Variants in GNG11 observed in about 807,000 individuals in gnomAD.
GNG11 encodes guanine nucleotide-binding protein G(I)/G(S)/G(O) subunit gamma-11.
Under a neutral mutation model 7.4 loss-of-function variants are expected in GNG11, and 6 were observed. That is an observed-to-expected ratio of 0.81 (90% CI 0.44 to 1.60). The LOEUF is 1.60. Ranked by LOEUF, GNG11 falls within the 40% of genes most tolerant of loss-of-function variation. GNG11 has a pLI of 0.01. For synonymous variants in GNG11, 31 were observed against 25.9 expected (o/e 1.20, Z -0.60); for missense variants, 65 against 83.0 (o/e 0.78, Z 0.84).
At chr7:93,923,735 G>A (rs1038698993) in intron 1 of GNG11, among the ~76,000 whole-genome samples, 1 of 152,110 alleles carries the variant, frequency 6.6e-6, no homozygotes, top group African/African-American at 2.4e-5. Flanking sequence ...GGATGCAACC[G>A]ACTATGTAAA....
rs1296279872 is a variant in GNG11, at chr7:93,926,881, T to C, written c.*665T>C. 6.6e-6 allele frequency: 1 copy of C among 152,360 alleles called. No homozygotes were observed. The highest frequency in any genetic ancestry group is 2.4e-5 in the African/African-American group (1 of 41,472). The allele number at this position is 152,360 out of a possible 1,614,324, so 9.4% of individuals were successfully genotyped here. A position where few individuals can be genotyped will look rare whatever the true frequency, so the allele number is the denominator to read the frequency against. ...GTAGTAGTAGCCTTGAAGAAAATAC[T>C]GAGTTGGGGTTCAGGAAGAGTGCCC... On this transcript the variant is annotated 3_prime_UTR_variant, in exon 2 of 2. Coordinates refer to ENST00000248564, the MANE Select transcript of GNG11 (RefSeq NM_004126.4).
chr7:93,922,221 G>T lies in GNG11; in HGVS notation c.84G>T (p.Leu28Phe), dbSNP rs1794623318. The change falls in exon 1 of 2, where the codon TTG becomes TTT. Residue 28 changes from leucine (L) to phenylalanine (F), a missense_variant. Physicochemically the swap from Leu to Phe is conservative, Grantham distance 22. Transcript: ENST00000248564. ...AGCAGCTTCGCAAAGAAGTGAAGTTGCAGAGACAACAAGTAAGTTGGCTGT... is the reference window on the plus strand; with the variant it reads ...AGCAGCTTCGCAAAGAAGTGAAGTTTCAGAGACAACAAGTAAGTTGGCTGT... ...EVEQLRKEVK[L>F]QRQQVSKCSE... The T allele has an allele frequency of 6.3e-7, 1 of 1,580,480 alleles. No individual in the cohort carries two copies. Among genetic ancestry groups the T allele is most frequent in the African/African-American group, 1.3e-5 (1 of 74,424 alleles).
Position 93,926,263 on chromosome 7 carries a change from T to C in GNG11, c.*47T>C. ...CCTAAGTGGAAGAACTAGTTTGTTTTAGTTTTCCCAGATAAAACCAACATG... is the reference window on the plus strand; with the variant it reads ...CCTAAGTGGAAGAACTAGTTTGTTTCAGTTTTCCCAGATAAAACCAACATG... On this transcript the variant is annotated 3_prime_UTR_variant, in exon 2 of 2. Coordinates refer to ENST00000248564, the MANE Select transcript of GNG11 (RefSeq NM_004126.4). 6.8e-7 allele frequency: 1 copy of C among 1,469,462 alleles called. No individual in the cohort carries two copies. Among genetic ancestry groups the C allele is most frequent in the Non-Finnish European group, 9.2e-7 (1 of 1,090,100 alleles). The allele number at this position is 1,469,462 out of a possible 1,614,324, so 91.0% of individuals were successfully genotyped here. A position where few individuals can be genotyped will look rare whatever the true frequency, so the allele number is the denominator to read the frequency against.
rs1413121763 is a variant in GNG11, at chr7:93,924,915, A to G, written c.97-1176A>G. On this transcript the variant is annotated intron_variant, in intron 1 of 1. Transcript: ENST00000248564. ...CGCGGTGTCCCACGCCTGTAATCCC[A>G]GCACTTTGGGAGGCCAAGGCGGGCG... Among the ~76,000 whole-genome samples the G allele has an allele frequency of 1.7e-4, 26 of 152,362 alleles. No individual in the cohort carries two copies. The East Asian group carries it at 4.8e-3, about 28-fold the overall frequency.
At position 93,922,099 on chromosome 7, in the gene GNG11, C is replaced by T. The variant is rs746538071; in HGVS notation, c.-39C>T. The T allele has an allele frequency of 1.5e-6, 2 of 1,334,024 alleles. No homozygotes were observed. Among genetic ancestry groups the T allele is most frequent in the African/African-American group, 1.5e-5 (1 of 67,688 alleles). The allele number at this position is 1,334,024 out of a possible 1,614,324, so 82.6% of individuals were successfully genotyped here. A position where few individuals can be genotyped will look rare whatever the true frequency, so the allele number is the denominator to read the frequency against. ...AGCTTCGCCGCTCTTCCAGCGGCTCCGCTGCCAGAGCTAGCCCGAGCCCGG... is the reference window on the plus strand; with the variant it reads ...AGCTTCGCCGCTCTTCCAGCGGCTCTGCTGCCAGAGCTAGCCCGAGCCCGG... On this transcript the variant is annotated 5_prime_UTR_variant, in exon 1 of 2. Transcript: ENST00000248564.
chr7:93,922,716 G>A (rs534486680), intron 1 of GNG11, among the ~76,000 whole-genome samples: 1 of 152,162 alleles, frequency 6.6e-6, no homozygotes, highest in East Asian at 1.9e-4. Flanking sequence ...CGAAATTTGG[G>A]AACAAAATAT....
At position 93,926,433 on chromosome 7, in the gene GNG11, T is replaced by C. The variant is rs1794681021; in HGVS notation, c.*217T>C. 1 of 321,822 alleles carries C rather than the reference T, an allele frequency of 3.1e-6. No homozygotes were observed. Among genetic ancestry groups the C allele is most frequent in the Non-Finnish European group, 5.6e-6 (1 of 177,426 alleles). The allele number at this position is 321,822 out of a possible 1,614,324, so 19.9% of individuals were successfully genotyped here. On this transcript the variant is annotated 3_prime_UTR_variant, in exon 2 of 2. Transcript: ENST00000248564. ...GAGCAGAGAGTATCAGATGTACAAT[T>C]ATGGAAATAAGAACATTACTTGAGC...
In GNG11 at chr7:93,926,431, A is replaced by T. The variant is rs1484354028; in HGVS notation, c.*215A>T. 1 of 323,880 alleles carries T rather than the reference A, an allele frequency of 3.1e-6. No individual in the cohort carries two copies. Among genetic ancestry groups the T allele is most frequent in the African/African-American group, 2.1e-5 (1 of 46,952 alleles). 20.1% of individuals were successfully genotyped at this position (323,880 alleles called of 1,614,324 possible). On this transcript the variant is annotated 3_prime_UTR_variant, in exon 2 of 2. Transcript: ENST00000248564. ...GAGAGCAGAGAGTATCAGATGTACA[A>T]TTATGGAAATAAGAACATTACTTGA... is the stretch of plus-strand genomic sequence containing the variant.
intron 1 of GNG11, among the ~76,000 whole-genome samples, chr7:93,924,946 C>T (rs1431806498): frequency 2.6e-5 from 4 of 152,164 alleles, no homozygotes; most frequent in Admixed American, 2.0e-4. Flanking sequence ...GGGCGGATCA[C>T]GAGGTCAGGA....
rs1175377460 is a variant in GNG11 at position 93,926,760 on chromosome 7, G to T, written c.*544G>T. On this transcript the variant is annotated 3_prime_UTR_variant, in exon 2 of 2. Transcript: ENST00000248564. ...AGGTAGAATTCCTATAACATTGACAGAAGTCAGATTATCTGAGTCAGGAAC... is the reference window on the plus strand; with the variant it reads ...AGGTAGAATTCCTATAACATTGACATAAGTCAGATTATCTGAGTCAGGAAC... 4 of 152,310 alleles carry T rather than the reference G, an allele frequency of 2.6e-5. No individual in the cohort carries two copies. The highest frequency in any genetic ancestry group is 7.2e-5 in the African/African-American group (3 of 41,474). 9.4% of individuals were successfully genotyped at this position (152,310 alleles called of 1,614,324 possible).
At position 93,926,393 on chromosome 7, in the gene GNG11, C is replaced by G. The variant is rs1016018972; in HGVS notation, c.*177C>G. 1 of 412,722 alleles carries G rather than the reference C, an allele frequency of 2.4e-6. No homozygotes were observed. The highest frequency in any genetic ancestry group is 4.3e-6 in the Non-Finnish European group (1 of 230,166). 25.6% of individuals were successfully genotyped at this position (412,722 alleles called of 1,614,324 possible). A position where few individuals can be genotyped will look rare whatever the true frequency, so the allele number is the denominator to read the frequency against. ...GTGCTACTCATCTTTGCTCACTATG[C>G]AGTCTTTTTTAAGAGAGCAGAGAGT... On this transcript the variant is annotated 3_prime_UTR_variant, in exon 2 of 2. Transcript: ENST00000248564.
rs144014411 is a variant in GNG11, at chr7:93,925,179, A to C, written c.97-912A>C. 2.0e-5 allele frequency among the ~76,000 whole-genome samples: 3 copies of C among 152,238 alleles called. No homozygotes were observed. The East Asian group carries it at 5.8e-4, about 29-fold the overall frequency. On this transcript the variant is annotated intron_variant, in intron 1 of 1. Coordinates refer to ENST00000248564, the MANE Select transcript of GNG11 (RefSeq NM_004126.4). The stretch of plus-strand genomic sequence containing the variant: ...ACTCCATCTCAAAAAGAAATAAATA[A>C]TTAAATTAAATTAAATTTGCTGGTA...
Position 93,928,396 on chromosome 7 carries a change from A to G in GNG11, c.*2180A>G, listed in dbSNP as rs554418959. On this transcript the variant is annotated 3_prime_UTR_variant, in exon 2 of 2. Transcript: ENST00000248564. ...AACCCAGCCAACATGTAGAAGTGCA[A>G]TAAAAATATTTTAATTTTCAACTGT... 2.8e-4 allele frequency: 43 copies of G among 152,290 alleles called. No homozygotes were observed. Among genetic ancestry groups the G allele is most frequent in the African/African-American group, 9.4e-4 (39 of 41,560 alleles). 9.4% of individuals were successfully genotyped at this position (152,290 alleles called of 1,614,324 possible).
rs368997021 is a variant in GNG11 at position 93,928,107 on chromosome 7, C to T, written c.*1891C>T. Reference sequence around the variant, plus strand: ...CTGGCAAGGCAGTTTAAATCACCTGCTTCTTTCATGAAAGGCCAAGACAAT... The same window carrying T: ...CTGGCAAGGCAGTTTAAATCACCTGTTTCTTTCATGAAAGGCCAAGACAAT... On this transcript the variant is annotated 3_prime_UTR_variant, in exon 2 of 2. Transcript: ENST00000248564. The T allele has an allele frequency of 4.0e-5, 6 of 149,378 alleles. No individual in the cohort carries two copies. Among genetic ancestry groups the T allele is most frequent in the Middle Eastern group, 6.8e-3 (2 of 292 alleles). 9.3% of individuals were successfully genotyped at this position (149,378 alleles called of 1,614,324 possible).
chr7:93,922,521 C>T (rs1337537917), intron 1 of GNG11, among the ~76,000 whole-genome samples: 1 of 152,144 alleles, frequency 6.6e-6, no homozygotes, highest in Non-Finnish European at 1.5e-5. Context: ...CATTAGACAG[C>T]TGTTTTTCAA....
chr7:93,925,130 C>T (rs949699676), intron 1 of GNG11, among the ~76,000 whole-genome samples: 1 of 152,130 alleles, frequency 6.6e-6, no homozygotes, highest in Non-Finnish European at 1.5e-5. Context: ...TGCCACTGCA[C>T]TCCAGCCTGG....
rs925516993 is a variant in GNG11, at chr7:93,926,328, C to A, written c.*112C>A. On this transcript the variant is annotated 3_prime_UTR_variant, in exon 2 of 2. Transcript: ENST00000248564. ...AAGAATGAAATTAAAAGGAGACTTTCTTAAGCACCATATAGATAGGGTTAT... is the reference window on the plus strand; with the variant it reads ...AAGAATGAAATTAAAAGGAGACTTTATTAAGCACCATATAGATAGGGTTAT... 1 of 791,756 alleles carries A rather than the reference C, an allele frequency of 1.3e-6. No individual in the cohort carries two copies. Among genetic ancestry groups the A allele is most frequent in the Non-Finnish European group, 2.0e-6 (1 of 499,518 alleles). 49.0% of individuals were successfully genotyped at this position (791,756 alleles called of 1,614,324 possible). A position where few individuals can be genotyped will look rare whatever the true frequency, so the allele number is the denominator to read the frequency against.
intron 1 of GNG11, 42 bp from the exon 2 acceptor site, chr7:93,926,049 C>G (rs747726475): frequency 7.8e-7 from 1 of 1,278,580 alleles, no homozygotes; most frequent in South Asian, 1.8e-5. Context: ...AAAGTTTAAA[C>G]AACCCTAACC....
Position 93,926,735 on chromosome 7 carries a change from A to G in GNG11, c.*519A>G, listed in dbSNP as rs1304086876. 6.6e-6 allele frequency: 1 copy of G among 152,266 alleles called. No homozygotes were observed. The highest frequency in any genetic ancestry group is 1.5e-5 in the Non-Finnish European group (1 of 68,070). The allele number at this position is 152,266 out of a possible 1,614,324, so 9.4% of individuals were successfully genotyped here. Reference sequence around the variant, plus strand: ...AACCTTAACTATTAAGAAACTGAGCAGGTAGAATTCCTATAACATTGACAG... The same window carrying G: ...AACCTTAACTATTAAGAAACTGAGCGGGTAGAATTCCTATAACATTGACAG... On this transcript the variant is annotated 3_prime_UTR_variant, in exon 2 of 2. Coordinates refer to ENST00000248564, the MANE Select transcript of GNG11 (RefSeq NM_004126.4).
Sources: allele counts gnomAD v4.1 joint callset (sites outside exome capture counted in the v4.1 genomes callset), GRCh38; gene constraint gnomAD v4.1.1; transcripts MANE v1.5; gene names NCBI Gene and HGNC (gene_info 2026-07-23, HGNC 2026-07-21).